The following ZNF536 variants were observed in gnomAD, a reference collection of about 807,000 sequenced individuals.
ZNF536 encodes the protein zinc finger protein 536.
ZNF536 carries 13 observed loss-of-function variants against 84.5 expected under a neutral mutation model. The ratio of observed to expected loss-of-function variants is 0.15; its 90% confidence interval spans 0.10 to 0.24. ZNF536 has a LOEUF of 0.24. Among genes scored for constraint, ZNF536 ranks in the 10% least tolerant of loss-of-function variants. The pLI is 1.00. For missense variants in ZNF536, 1,536 were observed against 1,747.5 expected (o/e 0.88, Z 2.16); for synonymous variants, 811 against 742.5 (o/e 1.09, Z -1.50).
upstream of ZNF536, among the ~76,000 whole-genome samples, chr19:30,226,395 AC>A (rs1190286303): frequency 2.1e-5 from 3 of 141,552 alleles, no homozygotes; most frequent in Non-Finnish European, 4.6e-5. This position sits in a 1 kb window ranked among gnomAD's most constrained non-coding sequence, Gnocchi z 4.6. Flanking sequence ...GTAATTTGCA[AC>A]CTTTTTTTTT....
intron 2 of ZNF536, among the ~76,000 whole-genome samples, chr19:30,509,416 CAT>C (rs976473958): frequency 1.7e-4 from 25 of 145,792 alleles, no homozygotes; most frequent in Non-Finnish European, 2.4e-4. Flanking sequence ...ATATGTATAA[CAT>C]ATTATAATAT....
At chr19:30,550,657 A>G (rs2045743025) in intron 4 of ZNF536, among the ~76,000 whole-genome samples, 1 of 152,142 alleles carries the variant, frequency 6.6e-6, no homozygotes, top group African/African-American at 2.4e-5. Context: ...GGGGAAATAG[A>G]AGAGAGTATT....
intron 1 of ZNF536, among the ~76,000 whole-genome samples, chr19:30,433,774 G>A (rs1339337988): frequency 6.6e-6 from 1 of 152,148 alleles, no homozygotes. Flanking sequence ...TGGGATTACA[G>A]GCGTGAGCCA....
chr19:30,309,846 G>A (rs1306573926), intron 2 of ZNF536, among the ~76,000 whole-genome samples: 1 of 152,190 alleles, frequency 6.6e-6, no homozygotes, highest in East Asian at 1.9e-4. Flanking sequence ...GGCTTTGCTC[G>A]AAAAGTTTGG....
At chr19:30,304,275 C>A (rs375226062) in intron 2 of ZNF536, among the ~76,000 whole-genome samples, 1 of 152,206 alleles carries the variant, frequency 6.6e-6, no homozygotes, top group Admixed American at 6.5e-5. Context: ...TCTGAGAAAA[C>A]GGCGCAGACG....
At chr19:30,596,255 A>AGG (rs2047459378) in intron 1 of ZNF536, among the ~76,000 whole-genome samples, 1 of 151,762 alleles carries the variant, frequency 6.6e-6, no homozygotes, top group South Asian at 2.1e-4. Context: ...ATACAGAGAG[A>AGG]GAGGGAGAGG....
At chr19:30,456,308 C>CT (rs11301441) in intron 2 of ZNF536, among the ~76,000 whole-genome samples, 6,794 of 108,058 alleles carry the variant, frequency 0.063, 366 homozygotes, top group African/African-American at 0.14. Context: ...TGTTTCTTTT[C>CT]TTTTTTTTTT....
chr19:30,663,537 C>T (rs2050199743), intron 1 of ZNF536, among the ~76,000 whole-genome samples: 1 of 152,178 alleles, frequency 6.6e-6, no homozygotes, highest in Non-Finnish European at 1.5e-5. Flanking sequence ...TCAGGAGTTG[C>T]TAAATTTCCA....
intron 2 of ZNF536, among the ~76,000 whole-genome samples, chr19:30,469,044 C>T (rs1351291568): frequency 6.6e-6 from 1 of 152,174 alleles, no homozygotes; most frequent in Non-Finnish European, 1.5e-5. Flanking sequence ...GGGACTGCTG[C>T]AGACCCACTC....
chr19:30,677,495 C>A (rs1049939581), intron 1 of ZNF536, among the ~76,000 whole-genome samples: 5 of 152,242 alleles, frequency 3.3e-5, no homozygotes, highest in African/African-American at 1.2e-4. Flanking sequence ...TCCAGCTCAG[C>A]ACAGTGTGCC....
chr19:30,461,357 C>A (rs564285066), intron 2 of ZNF536, among the ~76,000 whole-genome samples: 1 of 152,158 alleles, frequency 6.6e-6, no homozygotes, highest in Non-Finnish European at 1.5e-5. Context: ...CCAGCAAACT[C>A]GGCTGCTGGT....
At chr19:30,699,014 C>CTT (rs971530693) in intron 1 of ZNF536, among the ~76,000 whole-genome samples, 2 of 152,188 alleles carry the variant, frequency 1.3e-5, no homozygotes, top group African/African-American at 4.8e-5. Flanking sequence ...ATGTTGTTTA[C>CTT]TTTGTTACTC....
intron 2 of ZNF536, among the ~76,000 whole-genome samples, chr19:30,470,739 G>A: frequency 6.7e-6 from 1 of 148,860 alleles, no homozygotes; most frequent in Non-Finnish European, 1.5e-5. Flanking sequence ...AGGCTGGAGT[G>A]CAGTGGTGTG....
chr19:30,357,096 G>A (rs1000443802), intron 3 of ZNF536, among the ~76,000 whole-genome samples: 1 of 152,230 alleles, frequency 6.6e-6, no homozygotes, highest in Non-Finnish European at 1.5e-5. Context: ...GGAAACCAGT[G>A]GATATGATGA....
chr19:30,689,804 T>C (rs764393139), intron 1 of ZNF536, among the ~76,000 whole-genome samples: 5 of 152,146 alleles, frequency 3.3e-5, no homozygotes, highest in South Asian at 2.1e-4. Context: ...GTGGCATTAA[T>C]GGTGAAAATA....
At chr19:30,383,949 C>T in intron 1 of ZNF536, among the ~76,000 whole-genome samples, 1 of 83,104 alleles carries the variant, frequency 1.2e-5, no homozygotes, top group Non-Finnish European at 2.4e-5. Context: ...CCTCCCCTCC[C>T]CTCCCCTCCC....
At chr19:30,316,458 T>A (rs143434549) in intron 2 of ZNF536, among the ~76,000 whole-genome samples, 1 of 152,228 alleles carries the variant, frequency 6.6e-6, no homozygotes, top group Admixed American at 6.5e-5. Flanking sequence ...TTCTATTTTT[T>A]AAATTGATTT....
intron 1 of ZNF536, among the ~76,000 whole-genome samples, chr19:30,688,349 G>T (rs948923049): frequency 6.6e-6 from 1 of 152,148 alleles, no homozygotes; most frequent in Non-Finnish European, 1.5e-5. Context: ...AGGACTCTTT[G>T]TTCTGAGTGT....
chr19:30,643,658 AG>A lies in ZNF536; in HGVS notation c.170-67091del, dbSNP rs113800559. ...CCAGCTATCGCAAAGCAATTTCTGC[AG>A]GGGGGGGTTTTGGGGCACCAACCTG... On this transcript the variant is annotated intron_variant, in intron 1 of 1. Transcript: ENST00000592773. Among the ~76,000 whole-genome samples, 296 of 151,646 alleles carry A rather than the reference AG, an allele frequency of 2.0e-3. 3 individuals carry two copies. Among genetic ancestry groups the A allele is most frequent in the African/African-American group, 6.9e-3 (284 of 41,326 alleles).
Sources: gnomAD v4.1 joint callset for allele counts (sites outside exome capture counted in the v4.1 genomes callset) on GRCh38, gnomAD v4.1.1 for gene constraint, Gnocchi (gnomAD v3.1) non-coding constraint, MANE v1.5 for transcripts, NCBI Gene and HGNC (gene_info 2026-07-23, HGNC 2026-07-21) for gene names.